EWSR1: variants seen among roughly 807,000 people sequenced by gnomAD.
The protein encoded by EWSR1 is EWS RNA binding protein 1.
In EWSR1, 14 loss-of-function variants were observed where a neutral mutation model predicts 92.1. The observed-to-expected ratio is 0.15, with a 90% CI of 0.10 to 0.24. EWSR1 has a LOEUF of 0.24. EWSR1 is among the 10% of genes least tolerant of loss of function. The pLI is 1.00. For missense variants in EWSR1, 637 were observed against 870.9 expected, an observed-to-expected ratio of 0.73 and a Z score of 3.38; for synonymous variants, 303 against 292.9, an observed-to-expected ratio of 1.03 and a Z score of -0.35.
intron 12 of EWSR1, among the ~76,000 whole-genome samples, chr22:29,297,006 C>T (rs1448419467): frequency 1.3e-5 from 2 of 152,194 alleles, no homozygotes; most frequent in African/African-American, 4.8e-5. Context: ...GCTGAGATTG[C>T]ACCACTGCAC....
intron 5 of EWSR1, 26 bp from the exon 6 acceptor site, chr22:29,282,364 A>G: frequency 6.6e-7 from 1 of 1,508,848 alleles, no homozygotes. Context: ...TCACTTTTTA[A>G]TTTTATTTAT....
intron 7 of EWSR1, among the ~76,000 whole-genome samples, chr22:29,287,982 C>T (rs1295295099): frequency 6.6e-6 from 1 of 152,024 alleles, no homozygotes; most frequent in Non-Finnish European, 1.5e-5. Context: ...TTTGAGACCA[C>T]CCTGGGCAAC....
At chr22:29,271,058 G>A (rs917363273) in intron 1 of EWSR1, among the ~76,000 whole-genome samples, 4 of 152,200 alleles carry the variant, frequency 2.6e-5, no homozygotes, top group East Asian at 1.9e-4. Flanking sequence ...TCAGGCCGCC[G>A]AGGGATTGTG....
At chr22:29,278,543 G>A (rs568816682) in intron 5 of EWSR1, among the ~76,000 whole-genome samples, 1 of 152,146 alleles carries the variant, frequency 6.6e-6, no homozygotes, top group South Asian at 2.1e-4. Context: ...CAAAAATACC[G>A]GGGGGGCGCA....
chr22:29,280,536 T>A (rs1044291910), intron 5 of EWSR1, among the ~76,000 whole-genome samples: 3 of 152,202 alleles, frequency 2.0e-5, no homozygotes, highest in Non-Finnish European at 4.4e-5. Flanking sequence ...TCCAGGTTCA[T>A]CTGAGCAGGG....
At chr22:29,288,956 TA>T (rs749831375) in intron 8 of EWSR1, 170 bp downstream of exon 8, 20 of 625,344 alleles carry the variant, frequency 3.2e-5, no homozygotes, top group Non-Finnish European at 4.9e-5. Context: ...TGGCATATAT[TA>T]AGTGGCAGTT....
chr22:29,291,319 A>T, intron 8 of EWSR1: 1 of 437,080 alleles, frequency 2.3e-6, no homozygotes. Context: ...TTGCACTATT[A>T]ATACCAGCCC....
chr22:29,288,923 A>G, intron 8 of EWSR1, 137 bp downstream of exon 8: 4 of 806,884 alleles, frequency 5.0e-6, no homozygotes, highest in Non-Finnish European at 5.5e-6. Context: ...GCCATCTTCT[A>G]AAACATGGAA....
intron 6 of EWSR1, among the ~76,000 whole-genome samples, chr22:29,286,051 G>A (rs775018575): frequency 6.6e-6 from 1 of 152,024 alleles, no homozygotes; most frequent in Non-Finnish European, 1.5e-5. Flanking sequence ...ATGTTAGCCA[G>A]GATGGTCTCG....
chr22:29,273,607 G>C (rs1052939316), intron 3 of EWSR1, 134 bp from the exon 4 acceptor site: 2 of 973,662 alleles, frequency 2.1e-6, no homozygotes, highest in South Asian at 3.4e-5. Flanking sequence ...GTCTTGTTTT[G>C]TTGTTTTTGT....
chr22:29,291,825 G>A (rs1320905882), intron 9 of EWSR1: 1 of 583,622 alleles, frequency 1.7e-6, no homozygotes, highest in Non-Finnish European at 3.0e-6. Flanking sequence ...ATATGGGGGA[G>A]AATAAATTTT....
At chr22:29,300,001 GGC>G in intron 16 of EWSR1, 119 bp from the exon 17 acceptor site, 7 of 918,180 alleles carry the variant, frequency 7.6e-6, no homozygotes, top group East Asian at 5.0e-5. Flanking sequence ...GCTCTGGAAG[GGC>G]TTCCTCACCC....
intron 11 of EWSR1, 91 bp from the exon 12 acceptor site, chr22:29,296,148 G>C: frequency 3.0e-6 from 4 of 1,343,092 alleles, no homozygotes; most frequent in Non-Finnish European, 4.1e-6. Context: ...CTACATGTGA[G>C]AAATTGGTAC....
rs143568295 is a variant in EWSR1 at position 29,299,092 on chromosome 22, A to G, written c.1581-142A>G. The G allele has an allele frequency of 5.0e-4, 756 of 1,515,692 alleles. 4 individuals are homozygous for G. The South Asian group carries it at 5.9e-3, about 12-fold the overall frequency. The allele number at this position is 1,515,692 out of a possible 1,614,324, so 93.9% of individuals were successfully genotyped here. A position where few individuals can be genotyped will look rare whatever the true frequency, so the allele number is the denominator to read the frequency against. On this transcript the variant is annotated intron_variant, in intron 14 of 16. Coordinates refer to ENST00000397938, the MANE Select transcript of EWSR1 (RefSeq NM_005243.4). Reference sequence around the variant, plus strand: ...TGATTTGACCTGTCCTGTGGGTGCAATGCTGCCTGAGGCTGTGCCCTAAAG... The same window carrying G: ...TGATTTGACCTGTCCTGTGGGTGCAGTGCTGCCTGAGGCTGTGCCCTAAAG...
chr22:29,274,098 T>G (rs898855280), intron 4 of EWSR1, among the ~76,000 whole-genome samples: 2 of 152,220 alleles, frequency 1.3e-5, no homozygotes, highest in Non-Finnish European at 2.9e-5. Flanking sequence ...TTTAACTGTT[T>G]GAATAATCTC....
chr22:29,297,646 G>T (rs1209819454), intron 12 of EWSR1, among the ~76,000 whole-genome samples, 181 bp from the exon 13 acceptor site: 1 of 152,110 alleles, frequency 6.6e-6, no homozygotes, highest in Non-Finnish European at 1.5e-5. Flanking sequence ...CTGCACTCCA[G>T]CCCGGGCAAC....
chr22:29,289,011 CAA>C, intron 8 of EWSR1: 1 of 466,356 alleles, frequency 2.1e-6, no homozygotes, highest in Non-Finnish European at 3.7e-6. Context: ...TCGGGGAGAA[CAA>C]AGAATGGTTT....
rs1389550704 is a variant in EWSR1, at chr22:29,300,229, T to G, written c.*68T>G. 2.1e-6 allele frequency: 3 copies of G among 1,422,726 alleles called. No homozygotes were observed. Among genetic ancestry groups the G allele is most frequent in the Non-Finnish European group, 3.0e-6 (3 of 1,013,762 alleles). 88.1% of individuals were successfully genotyped at this position (1,422,726 alleles called of 1,614,324 possible). A position where few individuals can be genotyped will look rare whatever the true frequency, so the allele number is the denominator to read the frequency against. ...TTTTAAACCAGAAAATGTTTTAAAT[T>G]TATAATTCCATATTTATAATGTTGG... On this transcript the variant is annotated 3_prime_UTR_variant, in exon 17 of 17. Coordinates refer to ENST00000397938, the MANE Select transcript of EWSR1 (RefSeq NM_005243.4).
At chr22:29,298,040 A>G in intron 13 of EWSR1, 91 bp downstream of exon 13, 1 of 1,402,192 alleles carries the variant, frequency 7.1e-7, no homozygotes, top group Non-Finnish European at 9.7e-7. Flanking sequence ...AAGAAATATA[A>G]AATTGTGTGT....
Sources: allele counts gnomAD v4.1 joint callset (sites outside exome capture counted in the v4.1 genomes callset), GRCh38; gene constraint gnomAD v4.1.1; transcripts MANE v1.5; gene names NCBI Gene and HGNC (gene_info 2026-07-23, HGNC 2026-07-21).